Variants in KIAA1217 observed in about 807,000 individuals in gnomAD.
The protein encoded by KIAA1217 is sickle tail protein homolog.
A neutral mutation model predicts 163.9 loss-of-function variants in KIAA1217; 88 were observed. The observed-to-expected ratio is 0.54, with a 90% confidence interval of 0.45 to 0.64. The LOEUF (loss-of-function observed/expected upper bound fraction) is 0.64. Ranked by LOEUF, KIAA1217 falls within the 30% of genes least tolerant of loss-of-function variation. The pLI is 0.00. For missense variants in KIAA1217, 2,372 were observed against 2,475.0 expected, an observed-to-expected ratio of 0.96 and a Z score of 0.88; for synonymous variants, 903 against 923.1, an observed-to-expected ratio of 0.98 and a Z score of 0.39.
chr10:24,259,730 C>T (rs2075539287), intron 2 of KIAA1217, among the ~76,000 whole-genome samples: 1 of 152,200 alleles, frequency 6.6e-6, no homozygotes, highest in African/African-American at 2.4e-5. Context: ...CCCCTGGGAG[C>T]CTGAGCCCCC....
intron 2 of KIAA1217, chr10:24,239,270 C>T: frequency 1.0e-6 from 1 of 985,380 alleles, no homozygotes; most frequent in Non-Finnish European, 1.2e-6. Context: ...CCGTTCCAGA[C>T]AAAAACTTCC....
chr10:23,727,785 A>G (rs1838254895), intron 1 of KIAA1217, among the ~76,000 whole-genome samples: 1 of 151,966 alleles, frequency 6.6e-6, no homozygotes, highest in South Asian at 2.1e-4. Context: ...TCCTGATGCT[A>G]TCCCTCCTCT....
intron 6 of KIAA1217, among the ~76,000 whole-genome samples, chr10:24,491,526 G>C (rs2066148984): frequency 6.6e-6 from 1 of 152,106 alleles, no homozygotes; most frequent in Admixed American, 6.6e-5. Flanking sequence ...TTGACCTCAA[G>C]TGATCCACCT....
intron 2 of KIAA1217, among the ~76,000 whole-genome samples, chr10:24,268,740 C>T (rs1450632625): frequency 1.8e-5 from 2 of 113,538 alleles, no homozygotes; most frequent in Non-Finnish European, 3.5e-5. Context: ...AATCATGCTG[C>T]TATAAAGACA....
chr10:24,086,482 T>C (rs192007801), intron 2 of KIAA1217, among the ~76,000 whole-genome samples: 14 of 152,352 alleles, frequency 9.2e-5, no homozygotes, highest in Non-Finnish European at 1.8e-4. Context: ...AAATAAGGAA[T>C]ACTTCCAGGT....
chr10:23,730,153 G>A (rs529228205), intron 1 of KIAA1217, among the ~76,000 whole-genome samples: 16 of 152,100 alleles, frequency 1.1e-4, no homozygotes, highest in African/African-American at 2.9e-4. Context: ...TGCCCGCCTC[G>A]GCCTCCCAAA....
chr10:24,176,943 A>C (rs1034400055), intron 2 of KIAA1217, among the ~76,000 whole-genome samples: 1 of 152,212 alleles, frequency 6.6e-6, no homozygotes, highest in East Asian at 2.0e-4. Context: ...GTGACCCAGC[A>C]CACCCTCTGC....
rs1835297559 is a variant in KIAA1217 at position 23,782,383 on chromosome 10, A to C, written c.-321+87149A>C. 2.0e-5 allele frequency among the ~76,000 whole-genome samples: 3 copies of C among 152,160 alleles called. No individual in the cohort carries two copies. The South Asian group carries it at 6.2e-4, about 32-fold the overall frequency. ...AGGTGGGTTGTTACTGGTGTAAAAA[A>C]ATACAACTAATTTTTGTATGTTGAT... On this transcript the variant is annotated intron_variant, in intron 1 of 18. Transcript: ENST00000376462.
chr10:24,471,725 A>G (rs2063535980), intron 5 of KIAA1217, among the ~76,000 whole-genome samples: 1 of 152,088 alleles, frequency 6.6e-6, no homozygotes, highest in Non-Finnish European at 1.5e-5. Context: ...TCTACTAAAA[A>G]TGCAAAAATT....
At chr10:24,063,809 T>C (rs190611864) in intron 2 of KIAA1217, among the ~76,000 whole-genome samples, 48 of 152,328 alleles carry the variant, frequency 3.2e-4, no homozygotes, top group Middle Eastern at 6.8e-3. Flanking sequence ...TATCCTCTTT[T>C]ATTTCATTGA....
intron 2 of KIAA1217, among the ~76,000 whole-genome samples, chr10:24,307,962 T>C (rs545564644): frequency 6.6e-6 from 1 of 152,348 alleles, no homozygotes; most frequent in African/African-American, 2.4e-5. Flanking sequence ...TCATGGGGTC[T>C]CTGCCTGAGC....
chr10:23,925,351 T>C (rs1406389356), intron 1 of KIAA1217, among the ~76,000 whole-genome samples: 1 of 152,072 alleles, frequency 6.6e-6, no homozygotes, highest in Non-Finnish European at 1.5e-5. Context: ...TAGAGAGGCA[T>C]CAGGAAATAA....
intron 1 of KIAA1217, among the ~76,000 whole-genome samples, chr10:23,815,370 C>T (rs917597516): frequency 6.6e-5 from 10 of 152,230 alleles, no homozygotes; most frequent in South Asian, 2.1e-4. Context: ...TTAGGCTGGG[C>T]GCGGTGGCTC....
intron 1 of KIAA1217, among the ~76,000 whole-genome samples, chr10:23,812,590 A>T (rs1419832056): frequency 6.6e-6 from 1 of 152,154 alleles, no homozygotes; most frequent in Non-Finnish European, 1.5e-5. Flanking sequence ...TTTTTGGTGT[A>T]TTCCCAGAGT....
At chr10:24,034,598 C>T (rs1848316971) in intron 2 of KIAA1217, among the ~76,000 whole-genome samples, 1 of 150,268 alleles carries the variant, frequency 6.7e-6, no homozygotes, top group South Asian at 2.1e-4. Flanking sequence ...TCAGACAAAG[C>T]TTACCAAGCT....
intron 16 of KIAA1217, among the ~76,000 whole-genome samples, chr10:24,535,488 T>A (rs2073866925): frequency 6.6e-6 from 1 of 152,164 alleles, no homozygotes; most frequent in Non-Finnish European, 1.5e-5. Flanking sequence ...AAATAAGTGG[T>A]CTTTCACCAG....
At chr10:24,190,593 T>C (rs2066671809) in intron 2 of KIAA1217, among the ~76,000 whole-genome samples, 1 of 152,144 alleles carries the variant, frequency 6.6e-6, no homozygotes. Context: ...AAGTTTCTCC[T>C]ACCCACAGAT....
Position 24,538,732 on chromosome 10 carries a change from G to GGT in KIAA1217, c.3534+1839_3534+1840insGT, listed in dbSNP as rs1554943297. ...AATATATTGATTTTTATTGTTTTTGGTTTTTTTTTTTTTTTTTTGTGAGAC... is the reference window on the plus strand; with the variant it reads ...AATATATTGATTTTTATTGTTTTTGGGTTTTTTTTTTTTTTTTTTTGTGAGAC... On this transcript the variant is annotated intron_variant, in intron 17 of 20. Coordinates refer to ENST00000376454, the MANE Select transcript of KIAA1217 (RefSeq NM_019590.5). 2.7e-3 allele frequency among the ~76,000 whole-genome samples: 238 copies of GGT among 87,748 alleles called. 1 individual carries two copies. Among genetic ancestry groups the GGT allele is most frequent in the African/African-American group, 0.01 (228 of 22,604 alleles). 57.6% of individuals were successfully genotyped at this position (87,748 alleles called of 152,430 possible).
At chr10:23,846,646 G>T (rs1466866794) in intron 1 of KIAA1217, among the ~76,000 whole-genome samples, 1 of 152,064 alleles carries the variant, frequency 6.6e-6, no homozygotes. Flanking sequence ...TAAGACAATG[G>T]GGTTTTCTAA....
Sources: allele counts gnomAD v4.1 joint callset (sites outside exome capture counted in the v4.1 genomes callset), GRCh38; gene constraint gnomAD v4.1.1; transcripts MANE v1.5; gene names NCBI Gene and HGNC (gene_info 2026-07-23, HGNC 2026-07-21).